Variants in GIMAP2 observed in about 807,000 individuals in gnomAD.
GIMAP2 encodes the protein GTPase IMAP family member 2.
A neutral mutation model predicts 25.5 loss-of-function variants in GIMAP2; 22 were observed. The observed-to-expected ratio is 0.86, with a 90% CI of 0.62 to 1.23. The LOEUF (loss-of-function observed/expected upper bound fraction) is 1.23, where lower values mean the gene tolerates loss of function less well. Ranked by LOEUF, GIMAP2 falls within the 50% of genes most tolerant of loss-of-function variation. The pLI is 0.00. For synonymous variants in GIMAP2, 167 were observed against 143.0 expected, an observed-to-expected ratio of 1.17 and a Z score of -1.20; for missense variants, 422 against 395.7, an observed-to-expected ratio of 1.07 and a Z score of -0.56.
intron 2 of GIMAP2, 171 bp downstream of exon 2, chr7:150,687,258 TTTTC>T: frequency 2.0e-6 from 1 of 494,994 alleles, no homozygotes; most frequent in Non-Finnish European, 3.5e-6. Context: ...TGGGGTTTTG[TTTTC>T]TTTGTTTGTT....
rs2116509238 is a variant in GIMAP2, at chr7:150,693,076, G to A, written c.790G>A (p.Gly264Arg). The change falls in exon 3 of 3, where the codon GGA (glycine) becomes AGA (arginine). Residue 264 changes from glycine (G) to arginine (R), a missense_variant. Gly to Arg is a moderately radical substitution (Grantham distance 125). Coordinates refer to ENST00000223293, the MANE Select transcript of GIMAP2 (RefSeq NM_015660.3). ...TALAEANCLK[G>R]ALIKTQLCVL... ...CTTGGCTGAAGCAAACTGCCTAAAA[G>A]GAGCCTTAATCAAAACACAACTGTG... is the stretch of plus-strand genomic sequence containing the variant. The A allele has an allele frequency of 1.9e-6, 3 of 1,614,054 alleles. No individual in the cohort carries two copies. The South Asian group carries it at 3.3e-5, about 18-fold the overall frequency.
intron 2 of GIMAP2, chr7:150,689,830 G>A: frequency 2.7e-6 from 1 of 367,326 alleles, no homozygotes; most frequent in Non-Finnish European, 4.9e-6. Flanking sequence ...TACAAAACTG[G>A]TTACTTTTAA....
At chr7:150,691,768 A>G (rs1482259888) in intron 2 of GIMAP2, among the ~76,000 whole-genome samples, 4 of 152,198 alleles carry the variant, frequency 2.6e-5, no homozygotes, top group Non-Finnish European at 4.4e-5. Context: ...CAACCATTAC[A>G]TGATGAGAAA....
intron 1 of GIMAP2, among the ~76,000 whole-genome samples, chr7:150,686,144 G>A (rs969471531): frequency 8.5e-5 from 13 of 152,192 alleles, no homozygotes; most frequent in African/African-American, 2.9e-4. Flanking sequence ...CTCCATAGTA[G>A]TTCCTACATT....
chr7:150,688,960 C>T (rs974019561), intron 2 of GIMAP2, among the ~76,000 whole-genome samples: 2 of 152,228 alleles, frequency 1.3e-5, no homozygotes, highest in Admixed American at 6.5e-5. Context: ...CTCCGCTTGC[C>T]ATACAAGGCA....
chr7:150,686,961 A>AG, intron 1 of GIMAP2, 91 bp from the exon 2 acceptor site: 1 of 775,410 alleles, frequency 1.3e-6, no homozygotes, highest in Non-Finnish European at 1.9e-6. Context: ...AAAAAAAAAA[A>AG]AAGAAAGAAA....
intron 2 of GIMAP2, among the ~76,000 whole-genome samples, chr7:150,687,971 T>C (rs2116502131): frequency 6.6e-6 from 1 of 152,278 alleles, no homozygotes; most frequent in East Asian, 1.9e-4. Context: ...CAAGTTGCCT[T>C]CACACTCAAC....
intron 2 of GIMAP2, among the ~76,000 whole-genome samples, chr7:150,691,945 A>C (rs912402296): frequency 2.0e-5 from 3 of 151,938 alleles, no homozygotes; most frequent in Non-Finnish European, 2.9e-5. Context: ...ATATTCCACT[A>C]CCGGCTGGGC....
chr7:150,689,822 C>T (rs1796945294), intron 2 of GIMAP2: 3 of 382,724 alleles, frequency 7.8e-6, no homozygotes, highest in Non-Finnish European at 1.4e-5. Context: ...TTTTCATTTA[C>T]AAAACTGGTT....
At chr7:150,691,053 G>C (rs1796960955) in intron 2 of GIMAP2, among the ~76,000 whole-genome samples, 1 of 152,144 alleles carries the variant, frequency 6.6e-6, no homozygotes, top group Non-Finnish European at 1.5e-5. Context: ...TAGTTTGTTT[G>C]GATATTCCCT....
chr7:150,687,146 GTGTGTGTGTT>G (rs1435926974), intron 2 of GIMAP2, 59 bp downstream of exon 2: 46 of 957,366 alleles, frequency 4.8e-5, no homozygotes, highest in Non-Finnish European at 6.3e-5. Flanking sequence ...GTGTGTGTGT[GTGTGTGTGTT>G]TGGCTCTTCT....
chr7:150,687,500 C>T, intron 2 of GIMAP2: 1 of 157,624 alleles, frequency 6.3e-6, no homozygotes, highest in Non-Finnish European at 1.4e-5. Context: ...TGGTCTCAAA[C>T]TCCTGACCTT....
chr7:150,689,560 T>C (rs2116504223), intron 2 of GIMAP2: 1 of 702,754 alleles, frequency 1.4e-6, no homozygotes, highest in South Asian at 1.5e-5. Flanking sequence ...AGGAGCTGCT[T>C]GGCTGCTGTT....
Position 150,693,341 on chromosome 7 carries a change from G to T in GIMAP2, c.*41G>T. The stretch of plus-strand genomic sequence containing the variant: ...ATTATTTACTCACTATCATTTAGTG[G>T]GTGAATCACAGTAATTTCCCTGTAA... On this transcript the variant is annotated 3_prime_UTR_variant, in exon 3 of 3. Transcript: ENST00000223293. 1 of 1,302,986 alleles carries T rather than the reference G, an allele frequency of 7.7e-7. No individual in the cohort carries two copies. The highest frequency in any genetic ancestry group is 1.5e-5 in the African/African-American group (1 of 67,944). The allele number at this position is 1,302,986 out of a possible 1,614,324, so 80.7% of individuals were successfully genotyped here. A position where few individuals can be genotyped will look rare whatever the true frequency, so the allele number is the denominator to read the frequency against.
intron 2 of GIMAP2, among the ~76,000 whole-genome samples, chr7:150,691,072 A>G (rs990153674): frequency 2.6e-5 from 4 of 152,208 alleles, no homozygotes; most frequent in East Asian, 3.9e-4. Flanking sequence ...CTCCAGAAAG[A>G]TTCTCCTGTT....
chr7:150,692,705 A>G lies in GIMAP2; in HGVS notation c.419A>G (p.His140Arg). 2.5e-6 allele frequency: 4 copies of G among 1,614,224 alleles called. No individual in the cohort carries two copies. Among genetic ancestry groups the G allele is most frequent in the Non-Finnish European group, 3.4e-6 (4 of 1,180,040 alleles). Reference sequence around the variant, plus strand: ...ATCTTTGGAGAGGATGCCATGGGACACACAATTGTCCTCTTTACCCACAAG... The same window carrying G: ...ATCTTTGGAGAGGATGCCATGGGACGCACAATTGTCCTCTTTACCCACAAG... ...KEIFGEDAMG[H>R]TIVLFTHKED... is the part of the protein sequence containing the mutation. The change falls in exon 3 of 3, where the codon CAC (histidine) becomes CGC (arginine). Residue 140 changes from histidine (H) to arginine (R), a missense_variant. His to Arg is a conservative substitution (Grantham distance 29). Transcript: ENST00000223293.
At chr7:150,687,179 G>A in intron 2 of GIMAP2, 92 bp downstream of exon 2, 3 of 1,127,514 alleles carry the variant, frequency 2.7e-6, no homozygotes, top group South Asian at 2.6e-5. Flanking sequence ...TGATGTTGGG[G>A]CAAAATAAAC....
intron 2 of GIMAP2, among the ~76,000 whole-genome samples, chr7:150,687,859 T>A (rs901792590): frequency 6.6e-6 from 1 of 151,960 alleles, no homozygotes; most frequent in African/African-American, 2.4e-5. Context: ...TCTCTCTGTA[T>A]CTTGACCTCC....
chr7:150,692,565 A>G lies in GIMAP2; in HGVS notation c.279A>G (p.Lys93=), dbSNP rs1796979167. 6.2e-7 allele frequency: 1 copy of G among 1,614,166 alleles called. No individual in the cohort carries two copies. Among genetic ancestry groups the G allele is most frequent in the Non-Finnish European group, 8.5e-7 (1 of 1,180,000 alleles). The change falls in exon 3 of 3, where the codon AAA becomes AAG. Residue 93 remains lysine (K), a synonymous_variant. Coordinates refer to ENST00000223293, the MANE Select transcript of GIMAP2 (RefSeq NM_015660.3). ...SWKDHCEALY[K]EVQRCYLLSA... ...AGGACCACTGTGAAGCTCTGTACAA[A>G]GAGGTGCAGAGGTGCTACTTGCTGT...
Sources: gnomAD v4.1 joint callset for allele counts (sites outside exome capture counted in the v4.1 genomes callset) on GRCh38, gnomAD v4.1.1 for gene constraint, MANE v1.5 for transcripts, NCBI Gene and HGNC (gene_info 2026-07-23, HGNC 2026-07-21) for gene names.